Variants in RBFOX1 observed in about 807,000 individuals in gnomAD.
RBFOX1 encodes the protein RNA binding fox-1 homolog 1.
Under a neutral mutation model 57.7 loss-of-function variants are expected in RBFOX1, and 8 were observed. The observed-to-expected ratio is 0.14, with a 90% CI of 0.08 to 0.25. RBFOX1 has a LOEUF of 0.25. Among genes scored for constraint, RBFOX1 ranks in the 10% least tolerant of loss-of-function variants. RBFOX1 has a pLI of 1.00. For missense variants in RBFOX1, 611 were observed against 548.5 expected (o/e 1.11, Z -1.14); for synonymous variants, 326 against 222.4 (o/e 1.47, Z -4.15).
At chr16:6,758,511 A>T (rs888021006) in intron 3 of RBFOX1, among the ~76,000 whole-genome samples, 1 of 152,094 alleles carries the variant, frequency 6.6e-6, no homozygotes, top group Non-Finnish European at 1.5e-5. Context: ...AGTCCAGCCT[A>T]GAATACATTA....
At chr16:7,070,649 A>C (rs898389342) in intron 4 of RBFOX1, among the ~76,000 whole-genome samples, 8 of 152,224 alleles carry the variant, frequency 5.3e-5, no homozygotes, top group Non-Finnish European at 8.8e-5. Flanking sequence ...GTTCTAATGC[A>C]GAGCCATCTC....
At chr16:6,999,309 G>C (rs552932822) in intron 3 of RBFOX1, among the ~76,000 whole-genome samples, 3 of 149,122 alleles carry the variant, frequency 2.0e-5, no homozygotes, top group African/African-American at 7.4e-5. Flanking sequence ...CACCTGCCTC[G>C]GCCTCCAAAA....
At chr16:6,492,600 A>G (rs1489217544) in intron 2 of RBFOX1, among the ~76,000 whole-genome samples, 1 of 143,900 alleles carries the variant, frequency 6.9e-6, no homozygotes, top group African/African-American at 2.5e-5. Context: ...AAATAAATAA[A>G]TAAGTATGTA....
At chr16:6,993,449 C>T (rs924429474) in intron 3 of RBFOX1, among the ~76,000 whole-genome samples, 1 of 152,144 alleles carries the variant, frequency 6.6e-6, no homozygotes, top group African/African-American at 2.4e-5. Flanking sequence ...GCTGAGGGAT[C>T]CATCAGAGTG....
At chr16:5,454,378 G>A (rs2068516288) in intron 1 of RBFOX1, among the ~76,000 whole-genome samples, 1 of 152,234 alleles carries the variant, frequency 6.6e-6, no homozygotes, top group Admixed American at 6.5e-5. Context: ...CAGGTGTGAA[G>A]GTTAATTTTA....
chr16:5,710,424 G>A (rs565420068), intron 3 of RBFOX1, among the ~76,000 whole-genome samples: 21 of 152,238 alleles, frequency 1.4e-4, no homozygotes, highest in Admixed American at 5.2e-4. Flanking sequence ...GCGCAGTTGC[G>A]GGCCTCCAAG....
intron 1 of RBFOX1, among the ~76,000 whole-genome samples, chr16:5,252,593 CTT>C (rs1170146413): frequency 6.6e-6 from 1 of 152,162 alleles, no homozygotes; most frequent in Non-Finnish European, 1.5e-5. Context: ...GGGTTGGACA[CTT>C]CAGCCCCAGG....
At chr16:7,205,882 G>C (rs1033887224) in intron 4 of RBFOX1, among the ~76,000 whole-genome samples, 13 of 152,238 alleles carry the variant, frequency 8.5e-5, no homozygotes, top group African/African-American at 2.9e-4. Context: ...CGCATCCAAA[G>C]CAAGGCAGCT....
chr16:7,264,967 C>G (rs1172815457), intron 4 of RBFOX1, among the ~76,000 whole-genome samples: 1 of 152,218 alleles, frequency 6.6e-6, no homozygotes, highest in Non-Finnish European at 1.5e-5. Context: ...CTCAATGCCA[C>G]CAAGCAGTTA....
chr16:6,882,222 G>T (rs1172946304), intron 3 of RBFOX1, among the ~76,000 whole-genome samples: 1 of 152,082 alleles, frequency 6.6e-6, no homozygotes. Flanking sequence ...CAATTTATTT[G>T]CAGTCTCCAC....
At chr16:6,283,657 G>A (rs1193355637) in intron 1 of RBFOX1, among the ~76,000 whole-genome samples, 1 of 152,148 alleles carries the variant, frequency 6.6e-6, no homozygotes, top group Non-Finnish European at 1.5e-5. Flanking sequence ...TTGTCCCTAC[G>A]TGCCGTTAGT....
intron 2 of RBFOX1, among the ~76,000 whole-genome samples, chr16:6,422,035 C>G (rs111768931): frequency 1.6e-5 from 2 of 127,966 alleles, no homozygotes; most frequent in Non-Finnish European, 3.6e-5. Context: ...ATTCTCCTGC[C>G]TCAGCCTCCC....
At chr16:7,445,717 TTTG>T (rs771300820) in intron 4 of RBFOX1, among the ~76,000 whole-genome samples, 23 of 152,336 alleles carry the variant, frequency 1.5e-4, no homozygotes, top group Non-Finnish European at 2.1e-4. Context: ...TTGTGTGGTT[TTTG>T]TTGTTGTTGT....
At chr16:6,434,353 C>T (rs1357670458) in intron 2 of RBFOX1, among the ~76,000 whole-genome samples, 4 of 152,138 alleles carry the variant, frequency 2.6e-5, no homozygotes, top group African/African-American at 2.4e-5. Context: ...GGCTTCCTTA[C>T]TGGCATGGGT....
At chr16:7,273,623 A>G (rs2095383335) in intron 4 of RBFOX1, among the ~76,000 whole-genome samples, 1 of 152,196 alleles carries the variant, frequency 6.6e-6, no homozygotes, top group Non-Finnish European at 1.5e-5. Context: ...TTTTCCTGAC[A>G]ATGAATGAGA....
At chr16:6,864,385 T>G (rs964033051) in intron 3 of RBFOX1, among the ~76,000 whole-genome samples, 2 of 152,154 alleles carry the variant, frequency 1.3e-5, no homozygotes, top group African/African-American at 4.8e-5. Flanking sequence ...GAAGGCTATT[T>G]GTTTTACTTT....
chr16:5,374,143 G>T (rs1299114514), intron 1 of RBFOX1, among the ~76,000 whole-genome samples: 1 of 152,218 alleles, frequency 6.6e-6, no homozygotes, highest in Non-Finnish European at 1.5e-5. Context: ...TCACCATGTG[G>T]GCCAGGCTAG....
chr16:6,871,386 A>G (rs910537489), intron 3 of RBFOX1, among the ~76,000 whole-genome samples: 6 of 152,068 alleles, frequency 3.9e-5, no homozygotes, highest in African/African-American at 1.2e-4. Context: ...GGGTTTCAGT[A>G]TGTTGGCCAG....
intron 2 of RBFOX1, among the ~76,000 whole-genome samples, chr16:5,588,924 C>T (rs982243987): frequency 4.7e-4 from 71 of 152,088 alleles, no homozygotes; most frequent in African/African-American, 1.7e-3. Flanking sequence ...GGTGAGAATA[C>T]AGGGCTGGCT....
Sources: allele counts gnomAD v4.1 joint callset (sites outside exome capture counted in the v4.1 genomes callset), GRCh38; gene constraint gnomAD v4.1.1; transcripts MANE v1.5; gene names NCBI Gene and HGNC (gene_info 2026-07-23, HGNC 2026-07-21).